CSMD3: variants seen among roughly 807,000 people sequenced by gnomAD.
CSMD3 encodes the protein CUB and sushi domain-containing protein 3.
CSMD3 carries 177 observed loss-of-function variants against 435.2 expected under a neutral mutation model. The ratio of observed to expected loss-of-function variants is 0.41; its 90% CI spans 0.36 to 0.46. CSMD3 has a LOEUF of 0.46. Ranked by LOEUF, CSMD3 falls within the 20% of genes least tolerant of loss-of-function variation. CSMD3 has a pLI of 0.34. For missense variants in CSMD3, 4,265 were observed against 4,504.6 expected (o/e 0.95, Z 1.52); for synonymous variants, 1,656 against 1,520.5 (o/e 1.09, Z -2.07).
chr8:112,981,374 T>C (rs911999574), intron 6 of CSMD3, among the ~76,000 whole-genome samples: 6 of 151,506 alleles, frequency 4.0e-5, no homozygotes, highest in Non-Finnish European at 7.4e-5. Flanking sequence ...AATAGGTAAA[T>C]ACTAATTTAA....
chr8:112,732,354 G>T (rs2077092483), intron 13 of CSMD3, among the ~76,000 whole-genome samples: 1 of 152,108 alleles, frequency 6.6e-6, no homozygotes, highest in Non-Finnish European at 1.5e-5. Flanking sequence ...AAATGGGTTA[G>T]TGTTCACTAA....
chr8:113,362,077 T>A (rs1471019951), intron 1 of CSMD3, among the ~76,000 whole-genome samples: 1 of 152,162 alleles, frequency 6.6e-6, no homozygotes, highest in African/African-American at 2.4e-5. Flanking sequence ...AAAATAGCAT[T>A]TGTAGCTAAA....
intron 11 of CSMD3, among the ~76,000 whole-genome samples, chr8:112,836,815 A>G (rs758610126): frequency 9.2e-5 from 14 of 151,782 alleles, no homozygotes; most frequent in Non-Finnish European, 1.5e-4. Flanking sequence ...AACTGAAGAC[A>G]TTCCAATGAA....
At chr8:112,479,691 T>C (rs1819442019) in intron 31 of CSMD3, among the ~76,000 whole-genome samples, 2 of 152,146 alleles carry the variant, frequency 1.3e-5, no homozygotes, top group Non-Finnish European at 2.9e-5. Flanking sequence ...AGTTTTCACA[T>C]GGTGTTAGGT....
At chr8:113,082,141 A>T (rs1205612324) in intron 5 of CSMD3, among the ~76,000 whole-genome samples, 1 of 152,012 alleles carries the variant, frequency 6.6e-6, no homozygotes, top group Non-Finnish European at 1.5e-5. Flanking sequence ...GGACTGCTCT[A>T]CCTAGGACCT....
At chr8:113,027,676 G>A (rs1253833746) in intron 5 of CSMD3, among the ~76,000 whole-genome samples, 2 of 152,060 alleles carry the variant, frequency 1.3e-5, no homozygotes, top group African/African-American at 2.4e-5. Flanking sequence ...CAAAGCAAAG[G>A]AGATAATTGG....
intron 30 of CSMD3, among the ~76,000 whole-genome samples, chr8:112,498,775 G>A (rs2130889951): frequency 6.6e-6 from 1 of 151,868 alleles, no homozygotes; most frequent in South Asian, 2.1e-4. Context: ...AAGCCTTTCA[G>A]CTTGCAGGTA....
At chr8:112,751,484 C>T (rs1470127508) in intron 13 of CSMD3, among the ~76,000 whole-genome samples, 1 of 151,974 alleles carries the variant, frequency 6.6e-6, no homozygotes, top group Non-Finnish European at 1.5e-5. Flanking sequence ...TCAATTAAAC[C>T]TCAGAATCTG....
intron 3 of CSMD3, among the ~76,000 whole-genome samples, chr8:113,193,642 T>C (rs1268953811): frequency 4.6e-5 from 7 of 151,510 alleles, no homozygotes; most frequent in Admixed American, 3.3e-4. Context: ...GAGAGAGTAA[T>C]AGACCACGTG....
chr8:112,559,963 T>G (rs1414259107), intron 24 of CSMD3, among the ~76,000 whole-genome samples: 18 of 151,780 alleles, frequency 1.2e-4, no homozygotes, highest in Admixed American at 1.2e-3. Flanking sequence ...CTTTTACTTG[T>G]GTCCTAAATT....
intron 22 of CSMD3, among the ~76,000 whole-genome samples, chr8:112,605,358 A>T (rs1455502525): frequency 6.6e-6 from 1 of 152,214 alleles, no homozygotes; most frequent in Non-Finnish European, 1.5e-5. Context: ...TCAAAATAGT[A>T]AAGACATGGA....
At chr8:112,578,537 C>G (rs900604186) in intron 23 of CSMD3, among the ~76,000 whole-genome samples, 7 of 151,744 alleles carry the variant, frequency 4.6e-5, no homozygotes, top group Non-Finnish European at 8.8e-5. Flanking sequence ...GCAGAATTGG[C>G]AGATATGTGT....
At chr8:113,321,215 C>A (rs1450725274) in intron 1 of CSMD3, among the ~76,000 whole-genome samples, 1 of 152,138 alleles carries the variant, frequency 6.6e-6, no homozygotes, top group Non-Finnish European at 1.5e-5. Context: ...TAGTATTATT[C>A]AGCTACTTCT....
intron 13 of CSMD3, among the ~76,000 whole-genome samples, chr8:112,709,105 C>T (rs1301186559): frequency 2.0e-5 from 3 of 152,036 alleles, no homozygotes; most frequent in Non-Finnish European, 4.4e-5. Context: ...TCATTTATTT[C>T]CAACAATCCG....
chr8:112,658,437 T>G (rs1381908242), intron 17 of CSMD3, among the ~76,000 whole-genome samples: 1 of 152,186 alleles, frequency 6.6e-6, no homozygotes, highest in African/African-American at 2.4e-5. Context: ...ACATAGCATA[T>G]GACACGTTAG....
intron 13 of CSMD3, among the ~76,000 whole-genome samples, chr8:112,763,244 CTTG>C (rs907121480): frequency 4.0e-5 from 6 of 151,492 alleles, no homozygotes; most frequent in South Asian, 4.2e-4. Context: ...ATGAAAAAAT[CTTG>C]TTGTGCATGT....
chr8:112,272,224 G>A (rs1310789273), intron 59 of CSMD3, among the ~76,000 whole-genome samples: 4 of 152,248 alleles, frequency 2.6e-5, no homozygotes, highest in East Asian at 3.9e-4. Flanking sequence ...TATTATAGCA[G>A]CACAAATAGA....
chr8:113,195,463 T>A (rs991948813), intron 3 of CSMD3, among the ~76,000 whole-genome samples: 8 of 150,976 alleles, frequency 5.3e-5, no homozygotes, highest in Admixed American at 4.7e-4. Flanking sequence ...TGAGTAGGAA[T>A]GCCAGAGAAA....
chr8:113,199,579 G>T (rs1430592121), intron 3 of CSMD3, among the ~76,000 whole-genome samples: 1 of 151,568 alleles, frequency 6.6e-6, no homozygotes, highest in Non-Finnish European at 1.5e-5. Context: ...AACACAAAAT[G>T]TGCACACATC....
Sources: allele counts gnomAD v4.1 joint callset (sites outside exome capture counted in the v4.1 genomes callset), GRCh38; gene constraint gnomAD v4.1.1; transcripts MANE v1.5; gene names NCBI Gene and HGNC (gene_info 2026-07-23, HGNC 2026-07-21).